PRKD1: variants seen among roughly 807,000 people sequenced by gnomAD.
PRKD1 encodes serine/threonine-protein kinase D1.
In PRKD1, 63 loss-of-function variants were observed where a neutral mutation model predicts 95.9. That is an observed-to-expected ratio of 0.66 (90% CI 0.54 to 0.81). The LOEUF (loss-of-function observed/expected upper bound fraction) is 0.81. Among genes scored for constraint, PRKD1 ranks in the 30% least tolerant of loss-of-function variants. PRKD1 has a pLI of 0.00. For missense variants in PRKD1, 1,048 were observed against 1,165.3 expected (o/e 0.90, Z 1.47); for synonymous variants, 425 against 423.1 (o/e 1.00, Z -0.05).
chr14:29,849,177 G>C (rs753010099), intron 1 of PRKD1, among the ~76,000 whole-genome samples: 1 of 152,138 alleles, frequency 6.6e-6, no homozygotes, highest in African/African-American at 2.4e-5. Context: ...TCTCATGACA[G>C]AGTCCTCATG....
intron 4 of PRKD1, among the ~76,000 whole-genome samples, chr14:29,647,438 C>A (rs946911832): frequency 6.6e-6 from 1 of 152,158 alleles, no homozygotes; most frequent in African/African-American, 2.4e-5. Flanking sequence ...ATGTCAACAA[C>A]TTCCATTTTG....
chr14:29,630,302 G>A (rs1879911913), intron 10 of PRKD1, among the ~76,000 whole-genome samples: 2 of 152,086 alleles, frequency 1.3e-5, no homozygotes, highest in East Asian at 3.9e-4. Flanking sequence ...ACTATGCCTG[G>A]CTAATTTTTG....
At chr14:29,693,980 C>T (rs899771105) in intron 2 of PRKD1, among the ~76,000 whole-genome samples, 8 of 152,258 alleles carry the variant, frequency 5.3e-5, no homozygotes, top group South Asian at 2.1e-4. Context: ...CTCATCCTTA[C>T]CCTTTTTAAT....
chr14:29,645,518 A>G (rs574371870), intron 4 of PRKD1, among the ~76,000 whole-genome samples: 89 of 152,270 alleles, frequency 5.8e-4, no homozygotes, highest in Admixed American at 1.8e-3. Flanking sequence ...AGCATTTTGG[A>G]CTATCATTCA....
At chr14:29,800,513 G>A (rs558107683) in intron 1 of PRKD1, among the ~76,000 whole-genome samples, 7 of 152,178 alleles carry the variant, frequency 4.6e-5, no homozygotes, top group East Asian at 3.9e-4. Context: ...TGAAATTTTC[G>A]ACTGAAATCC....
intron 1 of PRKD1, among the ~76,000 whole-genome samples, chr14:29,831,568 A>C (rs973379182): frequency 2.0e-5 from 3 of 151,754 alleles, no homozygotes; most frequent in Non-Finnish European, 2.9e-5. Context: ...TCCCAGGTTC[A>C]AGCGATTCTC....
chr14:29,814,403 T>C (rs574992876), intron 1 of PRKD1, among the ~76,000 whole-genome samples: 1 of 152,342 alleles, frequency 6.6e-6, no homozygotes, highest in South Asian at 2.1e-4. Flanking sequence ...AGCGCAGTGC[T>C]GGCTGACTAT....
intron 13 of PRKD1, among the ~76,000 whole-genome samples, chr14:29,605,722 T>G (rs953503445): frequency 1.5e-4 from 23 of 152,252 alleles, no homozygotes; most frequent in Non-Finnish European, 7.3e-5. Context: ...TGATACATAC[T>G]AAATATTCAA....
intron 1 of PRKD1, among the ~76,000 whole-genome samples, chr14:29,821,631 A>G (rs1490861406): frequency 1.3e-5 from 2 of 152,210 alleles, no homozygotes; most frequent in Admixed American, 6.5e-5. Flanking sequence ...TGGAATTTTT[A>G]TAGACATTCA....
At chr14:29,838,734 A>G (rs918975369) in intron 1 of PRKD1, among the ~76,000 whole-genome samples, 3 of 152,194 alleles carry the variant, frequency 2.0e-5, no homozygotes, top group Admixed American at 2.0e-4. Context: ...TGGAAAATGC[A>G]TATTATTAAG....
At chr14:29,893,188 G>A (rs1450470937) in intron 1 of PRKD1, among the ~76,000 whole-genome samples, 2 of 152,042 alleles carry the variant, frequency 1.3e-5, no homozygotes, top group Non-Finnish European at 2.9e-5. Flanking sequence ...TTCTAGTAGA[G>A]ATGGTAGAAA....
rs547495699 is a variant in PRKD1 at position 29,598,332 on chromosome 14, T to A, written c.2167-574A>T. ...TAAAATAAAATAAAATAAAAATAAA[T>A]GAAAAAATAAAAACAGTCTCCCTCC... On this transcript the variant is annotated intron_variant, in intron 15 of 17. Transcript: ENST00000331968. 4.7e-5 allele frequency among the ~76,000 whole-genome samples: 7 copies of A among 148,762 alleles called. No individual in the cohort carries two copies. In the South Asian group the frequency reaches 1.3e-3, roughly 28 times the overall value.
At position 29,577,204 on chromosome 14, in the gene PRKD1, C is replaced by A. The variant is rs1464497221; in HGVS notation, c.*34G>T. 1 of 1,577,068 alleles carries A rather than the reference C, an allele frequency of 6.3e-7. No individual in the cohort carries two copies. Among genetic ancestry groups the A allele is most frequent in the Non-Finnish European group, 8.7e-7 (1 of 1,148,142 alleles). On this transcript the variant is annotated 3_prime_UTR_variant, in exon 18 of 18. Transcript: ENST00000331968. ...ACCTGACCGTATGTATTTATTAGTT[C>A]CACAGTGTTTTGACAGATTATAGGA...
chr14:29,859,572 C>T (rs1183112826), intron 1 of PRKD1, among the ~76,000 whole-genome samples: 5 of 149,450 alleles, frequency 3.3e-5, no homozygotes, highest in Non-Finnish European at 7.4e-5. Flanking sequence ...CCTGCCACTG[C>T]ACCTCAGCCT....
intron 16 of PRKD1, among the ~76,000 whole-genome samples, chr14:29,578,938 T>C (rs1892664675): frequency 6.6e-6 from 1 of 152,132 alleles, no homozygotes; most frequent in Non-Finnish European, 1.5e-5. Context: ...TGCTTTCACT[T>C]TGCTTTTGCT....
At chr14:29,913,666 ATGAAATTAACATC>A (rs1894795850) in intron 1 of PRKD1, among the ~76,000 whole-genome samples, 1 of 152,226 alleles carries the variant, frequency 6.6e-6, no homozygotes, top group Non-Finnish European at 1.5e-5. Flanking sequence ...ACATTAGTAG[ATGAAATTAACATC>A]TGTCACAAAG....
intron 1 of PRKD1, among the ~76,000 whole-genome samples, chr14:29,761,623 T>C (rs1055322817): frequency 1.3e-5 from 2 of 152,298 alleles, no homozygotes; most frequent in South Asian, 2.1e-4. Context: ...CTGATTATTA[T>C]CACTGATACA....
chr14:29,665,691 T>C (rs147671397), intron 3 of PRKD1, among the ~76,000 whole-genome samples: 1 of 152,156 alleles, frequency 6.6e-6, no homozygotes, highest in East Asian at 1.9e-4. Context: ...AAAGAGAATG[T>C]GGAGTGTATA....
intron 1 of PRKD1, among the ~76,000 whole-genome samples, chr14:29,789,062 T>G (rs1263569780): frequency 2.0e-5 from 3 of 152,078 alleles, no homozygotes; most frequent in African/African-American, 7.2e-5. Flanking sequence ...AATTTTTAAA[T>G]TTTTTGTAGA....
Sources: gnomAD v4.1 joint callset for allele counts (sites outside exome capture counted in the v4.1 genomes callset) on GRCh38, gnomAD v4.1.1 for gene constraint, MANE v1.5 for transcripts, NCBI Gene and HGNC (gene_info 2026-07-23, HGNC 2026-07-21) for gene names.